The following ARHGAP25 variants were observed in gnomAD, a reference collection of about 807,000 sequenced individuals.
ARHGAP25 encodes Rho GTPase activating protein 25.
Under a neutral mutation model 71.0 loss-of-function variants are expected in ARHGAP25, and 34 were observed. The observed-to-expected ratio is 0.48, with a 90% CI of 0.36 to 0.64. ARHGAP25 has a LOEUF of 0.64. Ranked by LOEUF, ARHGAP25 falls within the 30% of genes least tolerant of loss-of-function variation. The pLI is 0.00. For synonymous variants in ARHGAP25, 282 were observed against 296.5 expected (o/e 0.95, Z 0.50); for missense variants, 706 against 805.1 (o/e 0.88, Z 1.49).
chr2:68,732,476 G>A (rs1675046925), upstream of ARHGAP25, among the ~76,000 whole-genome samples: 1 of 152,228 alleles, frequency 6.6e-6, no homozygotes, highest in Non-Finnish European at 1.5e-5. Context: ...GCTTAATTAA[G>A]TTGGGATACG....
intron 1 of ARHGAP25, among the ~76,000 whole-genome samples, chr2:68,747,214 G>A (rs1295047679): frequency 6.6e-6 from 1 of 151,930 alleles, no homozygotes; most frequent in Non-Finnish European, 1.5e-5. Context: ...TTGACACTGT[G>A]CCCCCTGGCT....
upstream of ARHGAP25, among the ~76,000 whole-genome samples, chr2:68,733,473 G>A (rs1480473488): frequency 6.6e-6 from 1 of 152,180 alleles, no homozygotes; most frequent in South Asian, 2.1e-4. Context: ...GCCCAAGGGG[G>A]TGGTGGCATC....
intron 2 of ARHGAP25, among the ~76,000 whole-genome samples, chr2:68,729,679 T>C (rs1674967088): frequency 6.6e-6 from 1 of 152,278 alleles, no homozygotes; most frequent in African/African-American, 2.4e-5. Context: ...CCTACATATA[T>C]TGTTAATGGA....
In ARHGAP25 at chr2:68,782,271, C is replaced by T. The variant is rs975295923; in HGVS notation, c.300C>T (p.Ile100=). 9 of 1,613,992 alleles carry T rather than the reference C, an allele frequency of 5.6e-6. No individual in the cohort carries two copies. The highest frequency in any genetic ancestry group is 2.2e-5 in the East Asian group (1 of 44,896). ...TACCAGGATGTACAATCAAGGAGAT[C>T]GCCACAAACCCAGAAGAAGCTGGGA... ...MYLPGCTIKE[I]ATNPEEAGKF... Residue 100 remains isoleucine, a synonymous_variant, in exon 3 of 11, where the codon ATC becomes ATT. Transcript: ENST00000409202.
Position 68,735,113 on chromosome 2 carries a change from A to G in ARHGAP25, c.-87A>G. The G allele has an allele frequency of 2.6e-6, 3 of 1,162,112 alleles. No individual in the cohort carries two copies. The highest frequency in any genetic ancestry group is 2.4e-5 in the South Asian group (2 of 81,974). The allele number at this position is 1,162,112 out of a possible 1,614,324, so 72.0% of individuals were successfully genotyped here. On this transcript the variant is annotated 5_prime_UTR_variant, in exon 1 of 11. Coordinates refer to ENST00000409202, the MANE Select transcript of ARHGAP25 (RefSeq NM_001007231.3). ...AGGAGGAACAAAAACAGACACAAAA[A>G]CAGAGGGAAAGAGTGAAAAGACAAG...
At position 68,775,217 on chromosome 2, in the gene ARHGAP25, A is replaced by T; in HGVS notation, c.62-4A>T. ...TCAGTCGGCCTGTCTGTTCCTCTCT[A>T]TAGCTCGGTCAAGGAGTGTGATGAC... is the stretch of plus-strand genomic sequence containing the variant. On this transcript the variant is annotated splice_region_variant and splice_polypyrimidine_tract_variant and intron_variant, in intron 1 of 10. Transcript: ENST00000409202. 2 of 1,614,088 alleles carry T rather than the reference A, an allele frequency of 1.2e-6. No individual in the cohort carries two copies. The highest frequency in any genetic ancestry group is 1.7e-6 in the Non-Finnish European group (2 of 1,180,016).
chr2:68,819,057 G>A, intron 8 of ARHGAP25, 66 bp from the exon 9 acceptor site: 1 of 1,384,912 alleles, frequency 7.2e-7, no homozygotes, highest in Non-Finnish European at 9.8e-7. Context: ...CCACGGGTGG[G>A]GATCCTTGAG....
chr2:68,808,632 C>T (rs1019349040), intron 5 of ARHGAP25, among the ~76,000 whole-genome samples: 1 of 152,210 alleles, frequency 6.6e-6, no homozygotes, highest in African/African-American at 2.4e-5. Flanking sequence ...GCATCAAACA[C>T]AGGGACCTTT....
chr2:68,755,620 A>T (rs1275396870), intron 1 of ARHGAP25, among the ~76,000 whole-genome samples: 1 of 138,088 alleles, frequency 7.2e-6, no homozygotes, highest in Non-Finnish European at 1.6e-5. Flanking sequence ...ACCTCTTCCC[A>T]TATATTAAAA....
At chr2:68,808,095 C>T (rs549153743) in intron 5 of ARHGAP25, among the ~76,000 whole-genome samples, 1 of 152,162 alleles carries the variant, frequency 6.6e-6, no homozygotes, top group African/African-American at 2.4e-5. Flanking sequence ...CATTTCCTCC[C>T]ACCACCCCCT....
At chr2:68,802,906 T>C (rs1388660684) in intron 4 of ARHGAP25, among the ~76,000 whole-genome samples, 1 of 143,350 alleles carries the variant, frequency 7.0e-6, no homozygotes, top group Non-Finnish European at 1.6e-5. Flanking sequence ...CACACACATA[T>C]ATCCATATAT....
chr2:68,796,534 G>T (rs768124798), intron 4 of ARHGAP25, among the ~76,000 whole-genome samples: 3 of 152,198 alleles, frequency 2.0e-5, no homozygotes, highest in Non-Finnish European at 4.4e-5. Flanking sequence ...CTATGATGTT[G>T]GTTGGGTAGG....
At chr2:68,781,592 G>A (rs1678343875) in intron 2 of ARHGAP25, among the ~76,000 whole-genome samples, 1 of 152,202 alleles carries the variant, frequency 6.6e-6, no homozygotes. Context: ...TGATGGTGAA[G>A]AGCACTGGCT....
At chr2:68,747,147 T>A (rs1168062069) in intron 1 of ARHGAP25, among the ~76,000 whole-genome samples, 1 of 152,096 alleles carries the variant, frequency 6.6e-6, no homozygotes, top group African/African-American at 2.4e-5. Flanking sequence ...TCAACTGTCC[T>A]GCAGCATTTG....
chr2:68,731,752 A>G (rs1248968915), upstream of ARHGAP25, among the ~76,000 whole-genome samples: 2 of 152,122 alleles, frequency 1.3e-5, no homozygotes, highest in African/African-American at 4.8e-5. Flanking sequence ...TTACTTTAAA[A>G]GACACTTCTT....
chr2:68,809,640 C>G (rs929432680), intron 5 of ARHGAP25, among the ~76,000 whole-genome samples: 7 of 152,062 alleles, frequency 4.6e-5, no homozygotes, highest in Admixed American at 4.6e-4. Flanking sequence ...ATGGTTGTAG[C>G]TTTTTCTGCC....
At chr2:68,745,876 C>T (rs754829902) in intron 1 of ARHGAP25, among the ~76,000 whole-genome samples, 10 of 152,120 alleles carry the variant, frequency 6.6e-5, no homozygotes, top group African/African-American at 1.9e-4. Flanking sequence ...TGGTCTCACA[C>T]GGCAGAAAGG....
At chr2:68,768,210 A>G (rs897813487) in intron 1 of ARHGAP25, among the ~76,000 whole-genome samples, 5 of 152,208 alleles carry the variant, frequency 3.3e-5, no homozygotes, top group African/African-American at 7.2e-5. Context: ...GCATTAAATG[A>G]CACAGCTCTA....
intron 1 of ARHGAP25, among the ~76,000 whole-genome samples, chr2:68,738,593 G>A (rs563375620): frequency 4.5e-4 from 69 of 152,138 alleles, no homozygotes; most frequent in African/African-American, 1.6e-3. Context: ...AGTAGCCTCC[G>A]GTCCCTGATA....
Sources: allele counts gnomAD v4.1 joint callset (sites outside exome capture counted in the v4.1 genomes callset), GRCh38; gene constraint gnomAD v4.1.1; transcripts MANE v1.5; gene names NCBI Gene and HGNC (gene_info 2026-07-23, HGNC 2026-07-21).